Variants in CLIP2 observed in about 807,000 individuals in gnomAD.
The protein encoded by CLIP2 is CAP-Gly domain-containing linker protein 2.
A neutral mutation model predicts 111.7 loss-of-function variants in CLIP2; 41 were observed. The ratio of observed to expected loss-of-function variants is 0.37; its 90% CI spans 0.29 to 0.48. CLIP2 has a LOEUF of 0.48. Among genes scored for constraint, CLIP2 ranks in the 20% least tolerant of loss-of-function variants. The pLI, the probability that CLIP2 is intolerant of heterozygous loss-of-function variation, is 0.99. For synonymous variants in CLIP2, 660 were observed against 644.2 expected (o/e 1.02, Z -0.37); for missense variants, 1,160 against 1,422.1 (o/e 0.82, Z 2.96).
intron 2 of CLIP2, among the ~76,000 whole-genome samples, chr7:74,322,981 G>A (rs981876966): frequency 1.3e-5 from 2 of 151,892 alleles, no homozygotes; most frequent in East Asian, 1.9e-4. Flanking sequence ...CACCTGCTTC[G>A]GCCTTCCAAA....
chr7:74,333,207 A>G (rs1456590021), intron 2 of CLIP2, among the ~76,000 whole-genome samples: 2 of 152,062 alleles, frequency 1.3e-5, no homozygotes, highest in African/African-American at 4.8e-5. Context: ...TTTTTGAGAC[A>G]GAGTCTTGCT....
rs560334701 is a variant in CLIP2 at position 74,367,678 on chromosome 7, C to T, written c.1380+3363C>T. Among the ~76,000 whole-genome samples the T allele has an allele frequency of 2.0e-5, 3 of 152,158 alleles. No homozygotes were observed. The South Asian group carries it at 6.2e-4, about 31-fold the overall frequency. On this transcript the variant is annotated intron_variant, in intron 8 of 16. Coordinates refer to ENST00000223398, the MANE Select transcript of CLIP2 (RefSeq NM_003388.5). Reference sequence around the variant, plus strand: ...GCATGAAATTTAAGAAGTCACTATTCAACCCAGGACCACAGCCCAAATTGA... The same window carrying T: ...GCATGAAATTTAAGAAGTCACTATTTAACCCAGGACCACAGCCCAAATTGA...
chr7:74,339,359 G>T (rs1278787498), intron 3 of CLIP2, among the ~76,000 whole-genome samples: 1 of 151,948 alleles, frequency 6.6e-6, no homozygotes, highest in East Asian at 1.9e-4. Flanking sequence ...AGGCTGGAGT[G>T]CAGTGGCGTG....
At chr7:74,348,316 G>T (rs1360975449) in intron 3 of CLIP2, among the ~76,000 whole-genome samples, 2 of 152,054 alleles carry the variant, frequency 1.3e-5, no homozygotes, top group Non-Finnish European at 2.9e-5. Flanking sequence ...GATTGAAAGG[G>T]CCCCTAGGAG....
chr7:74,332,262 C>T (rs1440482919), intron 2 of CLIP2, among the ~76,000 whole-genome samples: 2 of 151,846 alleles, frequency 1.3e-5, no homozygotes, highest in African/African-American at 4.8e-5. Flanking sequence ...TTAGTAGAGA[C>T]GAGGTTTCAC....
At chr7:74,372,554 G>T (rs1458676846) in intron 8 of CLIP2, among the ~76,000 whole-genome samples, 2 of 151,916 alleles carry the variant, frequency 1.3e-5, no homozygotes, top group African/African-American at 4.8e-5. Flanking sequence ...GCAGATCCTT[G>T]ATGAGGACCT....
intron 9 of CLIP2, among the ~76,000 whole-genome samples, chr7:74,373,350 T>C (rs963606015): frequency 3.9e-5 from 6 of 152,004 alleles, no homozygotes; most frequent in Non-Finnish European, 5.9e-5. Context: ...ATATAAAAAT[T>C]AGCTGGGCGT....
chr7:74,351,836 A>T (rs1554307636), intron 3 of CLIP2, among the ~76,000 whole-genome samples: 1 of 152,166 alleles, frequency 6.6e-6, no homozygotes, highest in African/African-American at 2.4e-5. Context: ...ACTCCGTCTC[A>T]AAATAAATAA....
chr7:74,291,279 A>C (rs1299681982), intron 1 of CLIP2, among the ~76,000 whole-genome samples: 3 of 152,080 alleles, frequency 2.0e-5, no homozygotes, highest in African/African-American at 7.2e-5. Flanking sequence ...TGCACCTGCA[A>C]ACTCCAGCCC....
At chr7:74,364,495 C>T (rs1045974621) in intron 8 of CLIP2, among the ~76,000 whole-genome samples, 180 bp downstream of exon 8, 57 of 152,082 alleles carry the variant, frequency 3.7e-4, no homozygotes, top group Non-Finnish European at 1.2e-4. Context: ...CCCCAGGAGC[C>T]CCCCAGGGAA....
At chr7:74,388,164 T>C (rs964590287) in intron 12 of CLIP2, among the ~76,000 whole-genome samples, 1 of 152,024 alleles carries the variant, frequency 6.6e-6, no homozygotes, top group African/African-American at 2.4e-5. Flanking sequence ...ATCCCGTCTC[T>C]ACTAAAAATA....
chr7:74,341,651 T>C (rs921135289), intron 3 of CLIP2, among the ~76,000 whole-genome samples: 2 of 150,576 alleles, frequency 1.3e-5, no homozygotes, highest in Non-Finnish European at 3.0e-5. Context: ...TGAAGTGCAG[T>C]GGTGCAGTCA....
At position 74,401,566 on chromosome 7, in the gene CLIP2, A is replaced by G; in HGVS notation, c.3128A>G (p.Glu1043Gly). ...IHQQDKAQKQ[E>G]DKH is the part of the protein sequence containing the mutation. ...CAGCAGGACAAAGCTCAGAAACAAG[A>G]GGTGAGGGGCGCCTCGGGCCTCCCA... The change falls in exon 16 of 17, where the codon GAG becomes GGG. Residue 1043 changes from glutamate to glycine, a missense_variant and splice_region_variant. Transcript: ENST00000223398. 1 of 1,613,858 alleles carries G rather than the reference A, an allele frequency of 6.2e-7. No homozygotes were observed. The highest frequency in any genetic ancestry group is 1.7e-5 in the Admixed American group (1 of 59,990).
Position 74,294,444 on chromosome 7 carries a change from A to G in CLIP2, c.-68+4710A>G, listed in dbSNP as rs919929733. 5.1e-4 allele frequency among the ~76,000 whole-genome samples: 78 copies of G among 152,106 alleles called. 1 individual carries two copies. The highest frequency in any genetic ancestry group is 1.6e-4 in the Non-Finnish European group (11 of 68,022). On this transcript the variant is annotated intron_variant, in intron 1 of 16. Transcript: ENST00000223398. ...TACTTAACGGCTTCTGTCTTGATGG[A>G]GCGTTTCTTGCTCCATGGCTGGGAT... is the stretch of plus-strand genomic sequence containing the variant.
Position 74,317,597 on chromosome 7 carries a change from C to A in CLIP2, c.51C>A (p.Ser17=). ...CCCCCGGCCGTGGGGGGAAGCACTC[C>A]AGCCCCATGGGCCGGACATCTACTG... ...LKPPGRGGKH[S]SPMGRTSTGS... is the part of the protein sequence containing the mutation. The change falls in exon 2 of 17, where the codon TCC becomes TCA. Residue 17 remains serine, a synonymous_variant. Coordinates refer to ENST00000223398, the MANE Select transcript of CLIP2 (RefSeq NM_003388.5). 1 of 1,519,532 alleles carries A rather than the reference C, an allele frequency of 6.6e-7. No homozygotes were observed. The highest frequency in any genetic ancestry group is 2.0e-5 in the Admixed American group (1 of 49,340). The allele number at this position is 1,519,532 out of a possible 1,614,324, so 94.1% of individuals were successfully genotyped here.
chr7:74,309,428 G>A (rs540519715), intron 1 of CLIP2, among the ~76,000 whole-genome samples: 1 of 152,196 alleles, frequency 6.6e-6, no homozygotes, highest in East Asian at 1.9e-4. Flanking sequence ...GTGCCCATTT[G>A]CAGCCAATCT....
intron 2 of CLIP2, among the ~76,000 whole-genome samples, chr7:74,337,506 G>C (rs1430960824): frequency 6.6e-6 from 1 of 152,086 alleles, no homozygotes; most frequent in African/African-American, 2.4e-5. Flanking sequence ...AGCCCACCTG[G>C]TGGGGGGGTG....
At chr7:74,337,227 A>G (rs1363034375) in intron 2 of CLIP2, among the ~76,000 whole-genome samples, 1 of 151,934 alleles carries the variant, frequency 6.6e-6, no homozygotes, top group Non-Finnish European at 1.5e-5. Flanking sequence ...CTGAGGCCTT[A>G]GGCTGGGCTG....
At chr7:74,386,976 T>C (rs1270668651) in intron 12 of CLIP2, among the ~76,000 whole-genome samples, 14 of 137,724 alleles carry the variant, frequency 1.0e-4, no homozygotes, top group Non-Finnish European at 2.0e-4. Flanking sequence ...TGAGCCGAGA[T>C]GGCGCCACTG....
Sources: allele counts gnomAD v4.1 joint callset (sites outside exome capture counted in the v4.1 genomes callset), GRCh38; gene constraint gnomAD v4.1.1; transcripts MANE v1.5; gene names NCBI Gene and HGNC (gene_info 2026-07-23, HGNC 2026-07-21).